The following MAP3K1 variants were observed in gnomAD, a reference collection of about 807,000 sequenced individuals.
MAP3K1 encodes mitogen-activated protein kinase kinase kinase 1, also known as MAP/ERK kinase kinase 1.
In MAP3K1, 36 loss-of-function variants were observed where a neutral mutation model predicts 144.2. The ratio of observed to expected loss-of-function variants is 0.25; its 90% confidence interval spans 0.19 to 0.33. MAP3K1 has a LOEUF of 0.33. Among genes scored for constraint, MAP3K1 ranks in the 10% least tolerant of loss-of-function variants. MAP3K1 has a pLI of 1.00. For synonymous variants in MAP3K1, 718 were observed against 688.7 expected, an observed-to-expected ratio of 1.04 and a Z score of -0.67; for missense variants, 1,650 against 1,881.9, an observed-to-expected ratio of 0.88 and a Z score of 2.28.
chr5:56,875,856 A>C (rs1748008621), intron 10 of MAP3K1, among the ~76,000 whole-genome samples: 1 of 152,198 alleles, frequency 6.6e-6, no homozygotes, highest in Non-Finnish European at 1.5e-5. Context: ...GGGATGGCAG[A>C]GTCATCAACG....
intron 10 of MAP3K1, 43 bp downstream of exon 10, chr5:56,875,353 GT>G: frequency 1.2e-6 from 2 of 1,601,572 alleles, no homozygotes; most frequent in Non-Finnish European, 8.5e-7. Context: ...TGGGTTTGGG[GT>G]TTTTTGATGG....
chr5:56,828,295 C>T (rs968404514), intron 1 of MAP3K1, among the ~76,000 whole-genome samples: 29 of 152,076 alleles, frequency 1.9e-4, no homozygotes, highest in Admixed American at 1.6e-3. Context: ...ATCTCTGTGA[C>T]CTAATGCAGG....
chr5:56,883,872 C>T (rs770565605), intron 15 of MAP3K1, among the ~76,000 whole-genome samples, 193 bp downstream of exon 15: 6 of 152,104 alleles, frequency 3.9e-5, no homozygotes, highest in Non-Finnish European at 8.8e-5. Flanking sequence ...GTTGAGGCCA[C>T]GCGTGGTGGC....
At chr5:56,864,992 T>G in intron 4 of MAP3K1, 58 bp downstream of exon 4, 1 of 1,408,854 alleles carries the variant, frequency 7.1e-7, no homozygotes, top group Non-Finnish European at 1.0e-6. Flanking sequence ...CTACCTCAAA[T>G]TTATATACTA....
chr5:56,891,158 C>CA (rs1456054052), intron 19 of MAP3K1, among the ~76,000 whole-genome samples: 18 of 136,378 alleles, frequency 1.3e-4, no homozygotes, highest in Admixed American at 8.0e-4. Context: ...ACCCCCCCCC[C>CA]CCACACACAC....
At chr5:56,856,858 G>A in intron 2 of MAP3K1, 108 bp downstream of exon 2, 4 of 1,219,316 alleles carry the variant, frequency 3.3e-6, no homozygotes, top group Non-Finnish European at 4.7e-6. Context: ...TTTAAATGTA[G>A]TAGTTTTCTT....
chr5:56,838,330 G>A (rs1746715255), intron 1 of MAP3K1, among the ~76,000 whole-genome samples: 1 of 152,142 alleles, frequency 6.6e-6, no homozygotes, highest in African/African-American at 2.4e-5. Context: ...CAGTTATGAT[G>A]AATGTCTTTT....
intron 1 of MAP3K1, among the ~76,000 whole-genome samples, chr5:56,825,649 T>C (rs933806545): frequency 4.6e-5 from 7 of 152,248 alleles, no homozygotes; most frequent in Admixed American, 2.0e-4. Flanking sequence ...ATTGTCTCTT[T>C]AATTGCTGTG....
chr5:56,867,317 G>C (rs758814743), intron 6 of MAP3K1, among the ~76,000 whole-genome samples: 20 of 152,158 alleles, frequency 1.3e-4, no homozygotes, highest in Admixed American at 8.5e-4. Context: ...TACATACATA[G>C]ATAGATTTTT....
Position 56,857,565 on chromosome 5 carries a change from T to C in MAP3K1, c.633+815T>C, listed in dbSNP as rs1017226. Reference sequence around the variant, plus strand: ...GTCTAAATACACCCCTGCCAAGTGATTGTCTGCCCTACATTCATCCCATAT... The same window carrying C: ...GTCTAAATACACCCCTGCCAAGTGACTGTCTGCCCTACATTCATCCCATAT... On this transcript the variant is annotated intron_variant, in intron 2 of 19. Transcript: ENST00000399503. Among the ~76,000 whole-genome samples the C allele has an allele frequency of 0.059, 9,011 of 152,264 alleles. 284 individuals are homozygous for C. Among genetic ancestry groups the C allele is most frequent in the East Asian group, 0.12 (618 of 5,182 alleles).
At chr5:56,876,595 A>G (rs557410578) in intron 10 of MAP3K1, among the ~76,000 whole-genome samples, 2 of 152,318 alleles carry the variant, frequency 1.3e-5, no homozygotes, top group South Asian at 2.1e-4. Flanking sequence ...AGCCTAGGCA[A>G]TCTGAACACA....
At chr5:56,877,507 C>T (rs1289173643) in intron 10 of MAP3K1, among the ~76,000 whole-genome samples, 3 of 130,624 alleles carry the variant, frequency 2.3e-5, no homozygotes, top group Non-Finnish European at 4.9e-5. Context: ...CTCTCCCTCC[C>T]TCTGCATATA....
chr5:56,893,936 A>G lies in MAP3K1; in HGVS notation c.*256A>G, dbSNP rs750825333. 2.1e-5 allele frequency: 11 copies of G among 519,900 alleles called. No individual in the cohort carries two copies. Among genetic ancestry groups the G allele is most frequent in the African/African-American group, 7.6e-5 (4 of 52,600 alleles). 32.2% of individuals were successfully genotyped at this position (519,900 alleles called of 1,614,324 possible). A position where few individuals can be genotyped will look rare whatever the true frequency, so the allele number is the denominator to read the frequency against. ...CTGGCCCTAGGTGAACAGGAAAACA[A>G]TGAAGTTTGCATGACTAAATTGCAG... is the stretch of plus-strand genomic sequence containing the variant. On this transcript the variant is annotated 3_prime_UTR_variant, in exon 20 of 20. Transcript: ENST00000399503.
chr5:56,849,353 TAA>T (rs60934512), intron 1 of MAP3K1, among the ~76,000 whole-genome samples: 418 of 145,034 alleles, frequency 2.9e-3, no homozygotes, highest in Middle Eastern at 3.5e-3. Context: ...TCTCTGTCTT[TAA>T]AAAAAAAAAA....
chr5:56,844,859 A>G (rs1746942576), intron 1 of MAP3K1, among the ~76,000 whole-genome samples: 1 of 152,086 alleles, frequency 6.6e-6, no homozygotes, highest in South Asian at 2.1e-4. Context: ...TTCAAAGCAT[A>G]AAGAAGAAAA....
At chr5:56,868,627 G>C (rs1374555810) in intron 6 of MAP3K1, among the ~76,000 whole-genome samples, 1 of 152,032 alleles carries the variant, frequency 6.6e-6, no homozygotes, top group Non-Finnish European at 1.5e-5. Flanking sequence ...CTCATGATCT[G>C]CCCGTCTCAG....
chr5:56,835,831 C>T (rs969531804), intron 1 of MAP3K1, among the ~76,000 whole-genome samples: 1 of 151,816 alleles, frequency 6.6e-6, no homozygotes, highest in Admixed American at 6.6e-5. Context: ...AAGGAGATGG[C>T]GGCTTGGAGG....
intron 10 of MAP3K1, among the ~76,000 whole-genome samples, chr5:56,878,188 T>G (rs1024666501): frequency 7.2e-5 from 11 of 152,172 alleles, no homozygotes; most frequent in African/African-American, 2.7e-4. Flanking sequence ...CAAAATTTTG[T>G]CCACTGATTT....
intron 1 of MAP3K1, among the ~76,000 whole-genome samples, chr5:56,852,783 C>G (rs115120445): frequency 6.6e-6 from 1 of 152,058 alleles, no homozygotes; most frequent in East Asian, 1.9e-4. Flanking sequence ...GGAGATGGCT[C>G]TCATCTCCCA....
Sources: allele counts gnomAD v4.1 joint callset (sites outside exome capture counted in the v4.1 genomes callset), GRCh38; gene constraint gnomAD v4.1.1; transcripts MANE v1.5; gene names NCBI Gene and HGNC (gene_info 2026-07-23, HGNC 2026-07-21).